MYO1E: variants seen among roughly 807,000 people sequenced by gnomAD.
MYO1E encodes myosin IE.
MYO1E carries 68 observed loss-of-function variants against 151.1 expected under a neutral mutation model. That is an observed-to-expected ratio of 0.45 (90% CI 0.37 to 0.55). The LOEUF (loss-of-function observed/expected upper bound fraction) is 0.55, where lower values mean the gene tolerates loss of function less well. Among genes scored for constraint, MYO1E ranks in the 20% least tolerant of loss-of-function variants. The pLI is 0.00. For missense variants in MYO1E, 1,363 were observed against 1,389.3 expected (o/e 0.98, Z 0.30); for synonymous variants, 601 against 501.7 (o/e 1.20, Z -2.64).
At chr15:59,346,508 A>G (rs1366070764) in intron 1 of MYO1E, among the ~76,000 whole-genome samples, 3 of 152,366 alleles carry the variant, frequency 2.0e-5, no homozygotes, top group African/African-American at 7.2e-5. Context: ...GGGTTATGAC[A>G]TGATATCCAT....
intron 25 of MYO1E, 135 bp from the exon 26 acceptor site, chr15:59,153,926 A>T: frequency 1.2e-6 from 1 of 811,650 alleles, no homozygotes; most frequent in South Asian, 1.5e-5. Context: ...TTTGAAAAAA[A>T]TGGAAGGCAT....
chr15:59,274,556 C>G (rs1323454428), intron 1 of MYO1E, among the ~76,000 whole-genome samples: 1 of 152,088 alleles, frequency 6.6e-6, no homozygotes, highest in African/African-American at 2.4e-5. Flanking sequence ...CCATAGACAT[C>G]TAAAAATGGA....
chr15:59,216,578 ATG>A lies in MYO1E; in HGVS notation c.1107+1311_1107+1312del, dbSNP rs10569521. ...AATATATATTCATATATAAGAGTTTATGTGTGTGTGTGTGTGTATCTATCTAT... is the reference window on the plus strand; with the variant it reads ...AATATATATTCATATATAAGAGTTTATGTGTGTGTGTGTGTATCTATCTAT... On this transcript the variant is annotated intron_variant, in intron 10 of 27. Coordinates refer to ENST00000288235, the MANE Select transcript of MYO1E (RefSeq NM_004998.4). Among the ~76,000 whole-genome samples the A allele has an allele frequency of 5.3e-3, 582 of 109,310 alleles. 5 individuals are homozygous for A. The highest frequency in any genetic ancestry group is 9.0e-3 in the East Asian group (40 of 4,466). 71.7% of individuals were successfully genotyped at this position (109,310 alleles called of 152,430 possible). A position where few individuals can be genotyped will look rare whatever the true frequency, so the allele number is the denominator to read the frequency against.
chr15:59,224,738 G>A lies in MYO1E; in HGVS notation c.728C>T (p.Ser243Leu). ...DYYYYLSLSG[S>L]YKVDDIDDRR... ...GTCGTCAATGTCATCAACCTTGTAT[G>A]AGCCCGAGAGGCTCAGGTAGTAATA... The change falls in exon 8 of 28, where the codon TCA (serine) becomes TTA (leucine). Residue 243 changes from serine to leucine, a missense_variant. Transcript: ENST00000288235. 1 of 1,614,204 alleles carries A rather than the reference G, an allele frequency of 6.2e-7. No homozygotes were observed.
intron 18 of MYO1E, among the ~76,000 whole-genome samples, chr15:59,186,401 ATT>A (rs35616665): frequency 3.5e-5 from 5 of 142,774 alleles, no homozygotes; most frequent in Middle Eastern, 3.5e-3. Flanking sequence ...TACAATCTGA[ATT>A]TTAAAAAAAA....
intron 2 of MYO1E, among the ~76,000 whole-genome samples, chr15:59,266,267 A>G (rs2080252833): frequency 6.6e-6 from 1 of 152,176 alleles, no homozygotes; most frequent in South Asian, 2.1e-4. Context: ...CGTTCGGATC[A>G]TTGTCTTTAC....
intron 4 of MYO1E, among the ~76,000 whole-genome samples, chr15:59,254,890 A>T (rs2140369760): frequency 6.6e-6 from 1 of 151,686 alleles, no homozygotes; most frequent in East Asian, 1.9e-4. Flanking sequence ...CAGTGGCGTG[A>T]TCTTGGCTCA....
At chr15:59,245,523 G>T (rs1165341485) in intron 4 of MYO1E, among the ~76,000 whole-genome samples, 3 of 152,128 alleles carry the variant, frequency 2.0e-5, no homozygotes, top group African/African-American at 7.2e-5. Context: ...TAGCTTCTAT[G>T]CAGGATGCAC....
intron 1 of MYO1E, among the ~76,000 whole-genome samples, chr15:59,370,352 T>C (rs775449541): frequency 5.3e-5 from 8 of 152,230 alleles, no homozygotes; most frequent in Non-Finnish European, 1.0e-4. Flanking sequence ...CAACTTCACA[T>C]ACATAATGAA....
At chr15:59,138,157 C>A in intron 27 of MYO1E, 41 bp downstream of exon 27, 1 of 1,604,754 alleles carries the variant, frequency 6.2e-7, no homozygotes, top group African/African-American at 1.3e-5. Flanking sequence ...TGACTGCATG[C>A]TCTTTGGGAG....
intron 1 of MYO1E, among the ~76,000 whole-genome samples, chr15:59,351,190 C>T (rs2080821306): frequency 6.6e-6 from 1 of 151,998 alleles, no homozygotes; most frequent in South Asian, 2.1e-4. Context: ...TGAGCCACCG[C>T]ACCCGGCCTT....
At chr15:59,192,667 G>A (rs1355440667) in intron 17 of MYO1E, among the ~76,000 whole-genome samples, 1 of 152,208 alleles carries the variant, frequency 6.6e-6, no homozygotes, top group South Asian at 2.1e-4. Context: ...TATTTGCTGG[G>A]AAGAGCAGGT....
intron 1 of MYO1E, among the ~76,000 whole-genome samples, chr15:59,344,271 C>T (rs1340061015): frequency 1.3e-5 from 2 of 152,244 alleles, no homozygotes; most frequent in Admixed American, 6.5e-5. Context: ...CTTGCGGACT[C>T]GTAGAGGTAC....
chr15:59,206,850 T>G (rs2079837827), intron 14 of MYO1E: 2 of 1,357,094 alleles, frequency 1.5e-6, no homozygotes, highest in Admixed American at 2.3e-5. Flanking sequence ...CGTAGAGTGC[T>G]GAAGGTCCTG....
chr15:59,330,472 A>G (rs1037858252), intron 1 of MYO1E, among the ~76,000 whole-genome samples: 9 of 152,240 alleles, frequency 5.9e-5, no homozygotes, highest in Non-Finnish European at 1.2e-4. Context: ...TTACTTGAAA[A>G]AGTAAATATC....
chr15:59,288,735 G>C (rs866706846), intron 1 of MYO1E, among the ~76,000 whole-genome samples: 18 of 151,912 alleles, frequency 1.2e-4, no homozygotes, highest in African/African-American at 4.3e-4. Flanking sequence ...GTTTCATGAT[G>C]CTCAAGTGAT....
At position 59,210,372 on chromosome 15, in the gene MYO1E, T is replaced by C. The variant is rs371062593; in HGVS notation, c.1362+142A>G. ...AGCCGTACTGTTCTCTTTTCACACA[T>C]ACAGAAAACTAGTACAATTGCTCAA... On this transcript the variant is annotated intron_variant, in intron 13 of 27. Transcript: ENST00000288235. The C allele has an allele frequency of 4.8e-5, 33 of 685,836 alleles. No individual in the cohort carries two copies. In the East Asian group the frequency reaches 8.9e-4, roughly 18 times the overall value. The allele number at this position is 685,836 out of a possible 1,614,324, so 42.5% of individuals were successfully genotyped here.
chr15:59,307,335 G>T (rs1442238151), intron 1 of MYO1E, among the ~76,000 whole-genome samples: 1 of 152,170 alleles, frequency 6.6e-6, no homozygotes, highest in Non-Finnish European at 1.5e-5. Context: ...GGAGGATGAG[G>T]TTCCGCACAG....
chr15:59,371,905 G>A (rs1391929652), intron 1 of MYO1E, among the ~76,000 whole-genome samples: 1 of 150,642 alleles, frequency 6.6e-6, no homozygotes, highest in Non-Finnish European at 1.5e-5. Flanking sequence ...CCTACCTGGC[G>A]CCCCCGCCTG....
Sources: gnomAD v4.1 joint callset for allele counts (sites outside exome capture counted in the v4.1 genomes callset) on GRCh38, gnomAD v4.1.1 for gene constraint, MANE v1.5 for transcripts, NCBI Gene and HGNC (gene_info 2026-07-23, HGNC 2026-07-21) for gene names.